Variants in ZC3H12B observed in about 807,000 individuals in gnomAD.
The protein encoded by ZC3H12B is zinc finger CCCH-type containing 12B.
ZC3H12B carries 7 observed loss-of-function variants against 43.9 expected under a neutral mutation model. The ratio of observed to expected loss-of-function variants is 0.16; its 90% CI spans 0.09 to 0.30. The LOEUF (loss-of-function observed/expected upper bound fraction) is 0.30. Among genes scored for constraint, ZC3H12B ranks in the 10% least tolerant of loss-of-function variants. ZC3H12B has a pLI of 1.00. For synonymous variants in ZC3H12B, 222 were observed against 241.7 expected (o/e 0.92, Z 0.76); for missense variants, 475 against 670.2 (o/e 0.71, Z 3.22).
At chrX:65,294,964 GA>G in the ZC3H12B span, among the ~76,000 whole-genome samples, 2 of 108,077 alleles carry the variant, frequency 1.9e-5, no homozygotes, top group Non-Finnish European at 3.9e-5. Flanking sequence ...AGTCAACAAA[GA>G]AACAATGAAC....
chrX:65,177,012 T>G, the ZC3H12B span, among the ~76,000 whole-genome samples: 11 of 112,004 alleles, frequency 9.8e-5, no homozygotes, highest in Non-Finnish European at 1.9e-4. Flanking sequence ...TGATCAACAT[T>G]GTTGTGAAGA....
intron 2 of ZC3H12B, among the ~76,000 whole-genome samples, chrX:65,391,016 C>A (rs997472558): frequency 3.6e-5 from 4 of 111,906 alleles, no homozygotes; most frequent in African/African-American, 1.3e-4. Context: ...CTGGGACAGA[C>A]TGAGACATTT....
the ZC3H12B span, among the ~76,000 whole-genome samples, chrX:65,215,636 G>A: frequency 0.033 from 3,637 of 111,011 alleles, 84 homozygotes; most frequent in Non-Finnish European, 0.053. Flanking sequence ...ACATCAATAA[G>A]GCTGTTTCAA....
chrX:65,069,885 A>C, the ZC3H12B span, among the ~76,000 whole-genome samples: 7 of 111,752 alleles, frequency 6.3e-5, no homozygotes, highest in Admixed American at 6.7e-4. Flanking sequence ...ATCTATGTTC[A>C]TCAAGGATAT....
intron 2 of ZC3H12B, 81 bp downstream of exon 4, chrX:65,369,079 T>C (rs2066211405): frequency 8.9e-6 from 1 of 111,905 alleles, no homozygotes; most frequent in African/African-American, 3.2e-5. Context: ...CTGTGTAATA[T>C]GAAAAGTTAA....
At chrX:65,308,232 A>G in the ZC3H12B span, among the ~76,000 whole-genome samples, 1 of 110,129 alleles carries the variant, frequency 9.1e-6, no homozygotes, top group Non-Finnish European at 1.9e-5. Flanking sequence ...TCTAAAAGGA[A>G]CCCTCAAAAC....
At chrX:65,349,810 T>A in the ZC3H12B span, among the ~76,000 whole-genome samples, 1 of 111,650 alleles carries the variant, frequency 9.0e-6, no homozygotes, top group African/African-American at 3.3e-5. Context: ...CAAGAAGAAG[T>A]TGAATTCCTG....
chrX:65,052,104 G>T, the ZC3H12B span, among the ~76,000 whole-genome samples: 1 of 111,335 alleles, frequency 9.0e-6, no homozygotes, highest in South Asian at 3.8e-4. Context: ...GCAATGGCAG[G>T]TAATTGTTTA....
chrX:65,172,990 C>T, the ZC3H12B span, among the ~76,000 whole-genome samples: 6 of 111,870 alleles, frequency 5.4e-5, no homozygotes, highest in Admixed American at 9.5e-5. Context: ...ATGGTAATAG[C>T]ATTGAATCTA....
intron 3 of ZC3H12B, among the ~76,000 whole-genome samples, chrX:65,429,860 A>C (rs188658980): frequency 8.9e-6 from 1 of 111,955 alleles, no homozygotes; most frequent in Non-Finnish European, 1.9e-5. Context: ...TCTCATTCAG[A>C]CTACTTGGAC....
At chrX:65,189,120 A>G in the ZC3H12B span, among the ~76,000 whole-genome samples, 6 of 104,379 alleles carry the variant, frequency 5.7e-5, no homozygotes, top group Non-Finnish European at 9.8e-5. Flanking sequence ...TACAAAGGAC[A>G]TGAACTCATC....
chrX:65,437,276 A>T (rs1162337567), intron 3 of ZC3H12B, among the ~76,000 whole-genome samples: 1 of 111,483 alleles, frequency 9.0e-6, no homozygotes, highest in Non-Finnish European at 1.9e-5. Flanking sequence ...TTTTGTACCC[A>T]TTAACCATCC....
At chrX:65,408,109 G>C in intron 3 of ZC3H12B, 1 of 1,196,437 alleles carries the variant, frequency 8.4e-7, no homozygotes, top group Non-Finnish European at 1.1e-6. Flanking sequence ...GGCACCCGAC[G>C]CCGCACCAGG....
Position 65,399,150 on chromosome X carries a change from T to C in ZC3H12B, n.407+446T>C, listed in dbSNP as rs149564063. Reference sequence around the variant, plus strand: ...TCTTGAGTAATACACTATTAAGTGCTATTTATTGCACTGGCAACCAACACA... The same window carrying C: ...TCTTGAGTAATACACTATTAAGTGCCATTTATTGCACTGGCAACCAACACA... On this transcript the variant is annotated intron_variant and non_coding_transcript_variant, in intron 3 of 5. Transcript: ENST00000617377. Among the ~76,000 whole-genome samples, 66 of 112,648 alleles carry C rather than the reference T, an allele frequency of 5.9e-4. 1 individual carries two copies. In the East Asian group the frequency reaches 0.017, roughly 30 times the overall value.
At chrX:65,237,428 T>C in the ZC3H12B span, among the ~76,000 whole-genome samples, 1 of 111,894 alleles carries the variant, frequency 8.9e-6, no homozygotes, top group South Asian at 3.7e-4. Context: ...TCTGAGACTT[T>C]GCTGAAGTTG....
At chrX:65,456,543 A>G (rs2067615753) in intron 3 of ZC3H12B, among the ~76,000 whole-genome samples, 1 of 103,884 alleles carries the variant, frequency 9.6e-6, no homozygotes, top group Admixed American at 1.0e-4. Flanking sequence ...TCCCTGCCTG[A>G]TTCTCCTGCC....
chrX:65,289,673 T>A, the ZC3H12B span, among the ~76,000 whole-genome samples: 3 of 109,929 alleles, frequency 2.7e-5, no homozygotes, highest in South Asian at 1.1e-3. Flanking sequence ...GAATAGAGAA[T>A]CAAGAAATAA....
At chrX:65,133,695 G>A in the ZC3H12B span, among the ~76,000 whole-genome samples, 1 of 110,851 alleles carries the variant, frequency 9.0e-6, no homozygotes, top group African/African-American at 3.3e-5. Context: ...AGGAAGAATT[G>A]AGACATGGCT....
At chrX:65,222,944 A>G in the ZC3H12B span, among the ~76,000 whole-genome samples, 1 of 111,568 alleles carries the variant, frequency 9.0e-6, no homozygotes, top group Admixed American at 9.5e-5. Flanking sequence ...ACTAAGCAAA[A>G]AGAACAAATC....
Sources: allele counts gnomAD v4.1 joint callset (sites outside exome capture counted in the v4.1 genomes callset), GRCh38; gene constraint gnomAD v4.1.1; transcripts MANE v1.5; gene names NCBI Gene and HGNC (gene_info 2026-07-23, HGNC 2026-07-21).